Variants in SLC25A48 observed in about 807,000 individuals in gnomAD.
SLC25A48 encodes CTC-321K16.1.
Under a neutral mutation model 32.2 loss-of-function variants are expected in SLC25A48, and 29 were observed. The observed-to-expected ratio is 0.90, with a 90% CI of 0.67 to 1.23. SLC25A48 has a LOEUF of 1.23. SLC25A48 is among the 50% of genes most tolerant of loss of function. The probability of loss-of-function intolerance (pLI) is 0.00; values close to 1 mark genes in which losing one functional copy is unlikely to be tolerated. For missense variants in SLC25A48, 399 were observed against 422.7 expected (o/e 0.94, Z 0.49); for synonymous variants, 164 against 172.3 (o/e 0.95, Z 0.38).
At chr5:135,582,355 C>T (rs1329521374) in intron 1 of SLC25A48, among the ~76,000 whole-genome samples, 2 of 152,124 alleles carry the variant, frequency 1.3e-5, no homozygotes, top group Non-Finnish European at 2.9e-5. Context: ...AGCTATAAAC[C>T]ACAGAGATCA....
At chr5:135,871,106 C>T (rs1761609206) in intron 4 of SLC25A48, among the ~76,000 whole-genome samples, 2 of 120,256 alleles carry the variant, frequency 1.7e-5, no homozygotes, top group South Asian at 2.5e-4. Flanking sequence ...CACACACACA[C>T]ACACAGCATG....
At chr5:135,685,291 T>C (rs2126953680) in intron 3 of SLC25A48, among the ~76,000 whole-genome samples, 1 of 150,908 alleles carries the variant, frequency 6.6e-6, no homozygotes, top group East Asian at 1.9e-4. Context: ...AGAAACTCTT[T>C]ATATATTATT....
intron 3 of SLC25A48, chr5:135,649,543 C>CTCTCTGGGGT (rs1293111005): frequency 6.6e-6 from 1 of 152,354 alleles, no homozygotes; most frequent in African/African-American, 2.4e-5. Flanking sequence ...GCCAGTGACT[C>CTCTCTGGGGT]AGATGGGGTA....
chr5:135,831,597 G>A (rs1033335593), upstream of SLC25A48, among the ~76,000 whole-genome samples: 4 of 152,218 alleles, frequency 2.6e-5, no homozygotes, highest in Non-Finnish European at 5.9e-5. Flanking sequence ...AAAGAAGAAG[G>A]GGGCAGGGAT....
At chr5:135,715,481 A>C (rs1017447726) in intron 3 of SLC25A48, among the ~76,000 whole-genome samples, 2 of 151,838 alleles carry the variant, frequency 1.3e-5, no homozygotes, top group African/African-American at 4.8e-5. Context: ...TTCCCACCCC[A>C]CCCCTTTCCC....
chr5:135,770,686 G>T (rs995085871), intron 3 of SLC25A48, among the ~76,000 whole-genome samples: 1 of 151,336 alleles, frequency 6.6e-6, no homozygotes, highest in Non-Finnish European at 1.5e-5. Flanking sequence ...CTAATATCCA[G>T]AAAATGAGAG....
chr5:135,687,188 T>C (rs1273262198), intron 3 of SLC25A48, among the ~76,000 whole-genome samples: 1 of 152,206 alleles, frequency 6.6e-6, no homozygotes, highest in Non-Finnish European at 1.5e-5. Context: ...TTATTTACTC[T>C]GACATTAAAG....
chr5:135,727,520 T>C (rs1471635058), intron 3 of SLC25A48, among the ~76,000 whole-genome samples: 1 of 152,178 alleles, frequency 6.6e-6, no homozygotes, highest in Non-Finnish European at 1.5e-5. Context: ...TTTTTTTTTC[T>C]AAAAGTTTTA....
chr5:135,678,803 T>C (rs1005396563), intron 3 of SLC25A48, among the ~76,000 whole-genome samples: 1 of 152,212 alleles, frequency 6.6e-6, no homozygotes, highest in African/African-American at 2.4e-5. Flanking sequence ...GTAAACAGCA[T>C]TAGTCATGTC....
intron 1 of SLC25A48, among the ~76,000 whole-genome samples, chr5:135,608,480 G>A (rs72787177): frequency 0.012 from 1,807 of 152,286 alleles, 15 homozygotes; most frequent in Non-Finnish European, 0.019. Flanking sequence ...TTAACCTAGC[G>A]TGTCTCCAGG....
At chr5:135,720,331 C>CA (rs34716884) in intron 3 of SLC25A48, among the ~76,000 whole-genome samples, 41,776 of 152,120 alleles carry the variant, frequency 0.27, 5,994 homozygotes, top group East Asian at 0.47. Flanking sequence ...CCCCAGTTGG[C>CA]ACAGAAGCAC....
In SLC25A48 at chr5:135,842,459, G is replaced by T; in HGVS notation, c.90G>T (p.Lys30Asn). ...VIVGHPLDTVKTRLQAGVGYG... is the reference protein window; with the variant it reads ...VIVGHPLDTVNTRLQAGVGYG... ...TTGGCCACCCTCTGGACACAGTCAA[G>T]GTACAGTAGCCATGTTTCCCATTAC... Residue 30 changes from lysine (K) to asparagine (N), a missense_variant and splice_region_variant, in exon 2 of 8, where the codon AAG becomes AAT. Transcript: ENST00000681962. 6.2e-7 allele frequency: 1 copy of T among 1,613,610 alleles called. No individual in the cohort carries two copies. Among genetic ancestry groups the T allele is most frequent in the Non-Finnish European group, 8.5e-7 (1 of 1,179,532 alleles).
At chr5:135,596,485 G>A (rs1251792948) in intron 1 of SLC25A48, among the ~76,000 whole-genome samples, 2 of 152,206 alleles carry the variant, frequency 1.3e-5, no homozygotes, top group South Asian at 4.1e-4. Context: ...CGAGGGTTTA[G>A]CCTCCGTAGT....
intron 3 of SLC25A48, among the ~76,000 whole-genome samples, chr5:135,653,569 A>G (rs538669065): frequency 6.6e-6 from 1 of 152,360 alleles, no homozygotes; most frequent in South Asian, 2.1e-4. Flanking sequence ...GATATCAATT[A>G]TAACCTCAAG....
intron 4 of SLC25A48, among the ~76,000 whole-genome samples, chr5:135,853,368 T>A (rs1302050100): frequency 6.6e-6 from 1 of 152,228 alleles, no homozygotes. Context: ...CGCTGTTTGA[T>A]GGCATTTTAC....
chr5:135,790,238 G>C (rs1242351025), intron 3 of SLC25A48, among the ~76,000 whole-genome samples: 7 of 151,648 alleles, frequency 4.6e-5, no homozygotes, highest in African/African-American at 1.7e-4. Flanking sequence ...TTTACACCAT[G>C]TGTGTACACC....
chr5:135,768,774 G>C (rs1430497706), intron 3 of SLC25A48, among the ~76,000 whole-genome samples: 1 of 151,682 alleles, frequency 6.6e-6, no homozygotes, highest in Non-Finnish European at 1.5e-5. Context: ...CGCTGGGCTT[G>C]TACAACCCCT....
At chr5:135,871,060 GACACACACACACAC>G (rs10569008) in intron 4 of SLC25A48, among the ~76,000 whole-genome samples, 10,000 of 137,616 alleles carry the variant, frequency 0.073, 484 homozygotes, top group African/African-American at 0.14. Flanking sequence ...TGTGTACACA[GACACACACACACAC>G]ACACACACAC....
chr5:135,809,033 G>T (rs1407917876), intron 3 of SLC25A48, among the ~76,000 whole-genome samples: 1 of 152,218 alleles, frequency 6.6e-6, no homozygotes, highest in Middle Eastern at 3.4e-3. Flanking sequence ...GGGTCGGGGG[G>T]GCTCATGCCT....
Sources: allele counts gnomAD v4.1 joint callset (sites outside exome capture counted in the v4.1 genomes callset), GRCh38; gene constraint gnomAD v4.1.1; transcripts MANE v1.5; gene names NCBI Gene and HGNC (gene_info 2026-07-23, HGNC 2026-07-21).